The following MLEC variants were observed in gnomAD, a reference collection of about 807,000 sequenced individuals.
MLEC encodes the protein malectin, also known as oligosaccharyltransferase complex subunit (non-catalytic).
In MLEC, 7 loss-of-function variants were observed where a neutral mutation model predicts 28.7. The ratio of observed to expected loss-of-function variants is 0.24; its 90% CI spans 0.14 to 0.46. The LOEUF (loss-of-function observed/expected upper bound fraction) is 0.46. MLEC is among the 20% of genes least tolerant of loss of function. MLEC has a pLI of 0.99. For synonymous variants in MLEC, 142 were observed against 164.4 expected, an observed-to-expected ratio of 0.86 and a Z score of 1.04; for missense variants, 237 against 391.1, an observed-to-expected ratio of 0.61 and a Z score of 3.32.
At chr12:120,693,086 C>G (rs1324447587) in intron 1 of MLEC, among the ~76,000 whole-genome samples, 2 of 152,186 alleles carry the variant, frequency 1.3e-5, no homozygotes, top group African/African-American at 2.4e-5. Flanking sequence ...GGGAGAGGGC[C>G]AGGGCCAAGA....
In MLEC at chr12:120,693,526, A is replaced by G. The variant is rs888393801; in HGVS notation, c.236-565A>G. On this transcript the variant is annotated intron_variant, in intron 1 of 4. Coordinates refer to ENST00000228506, the MANE Select transcript of MLEC (RefSeq NM_014730.4). ...TTGTTTACAGCTTTGGAACTTTTTGAATGAAAATTATAAAAAAAACACACA... is the reference window on the plus strand; with the variant it reads ...TTGTTTACAGCTTTGGAACTTTTTGGATGAAAATTATAAAAAAAACACACA... 3.9e-5 allele frequency among the ~76,000 whole-genome samples: 6 copies of G among 152,294 alleles called. No individual in the cohort carries two copies. The Middle Eastern group carries it at 0.014, about 345-fold the overall frequency.
In MLEC at chr12:120,700,610, G is replaced by A. The variant is rs536087467; in HGVS notation, c.*4065G>A. ...TCTCAGAAGAAATCTGCTTCTCTTC[G>A]ATGGAAAGATATAATTAACGATCAA... On this transcript the variant is annotated 3_prime_UTR_variant, in exon 5 of 5. Coordinates refer to ENST00000228506, the MANE Select transcript of MLEC (RefSeq NM_014730.4). The surrounding 1 kb of genome is among the most constrained non-coding windows in gnomAD (Gnocchi z 4.0). 6.6e-6 allele frequency: 1 copy of A among 152,144 alleles called. No individual in the cohort carries two copies. Among genetic ancestry groups the A allele is most frequent in the Admixed American group, 6.6e-5 (1 of 15,256 alleles). The allele number at this position is 152,144 out of a possible 1,614,324, so 9.4% of individuals were successfully genotyped here.
At position 120,687,217 on chromosome 12, in the gene MLEC, T is replaced by G; in HGVS notation, c.-80T>G. 4 of 1,306,514 alleles carry G rather than the reference T, an allele frequency of 3.1e-6. No individual in the cohort carries two copies. The highest frequency in any genetic ancestry group is 3.9e-6 in the Non-Finnish European group (4 of 1,029,980). The allele number at this position is 1,306,514 out of a possible 1,614,324, so 80.9% of individuals were successfully genotyped here. A position where few individuals can be genotyped will look rare whatever the true frequency, so the allele number is the denominator to read the frequency against. ...GCTCAGGCGGAGCGGCCCGTGGCGC[T>G]GTTTTTCTGAGTCCGGGGTGGCCTG... On this transcript the variant is annotated 5_prime_UTR_variant, in exon 1 of 5. Transcript: ENST00000228506. This position sits in a 1 kb window ranked among gnomAD's most constrained non-coding sequence, Gnocchi z 8.1.
In MLEC at chr12:120,696,176, C is replaced by A; in HGVS notation, c.650-140C>A. The A allele has an allele frequency of 9.8e-7, 1 of 1,021,066 alleles. No homozygotes were observed. Among genetic ancestry groups the A allele is most frequent in the Non-Finnish European group, 1.4e-6 (1 of 690,354 alleles). 63.3% of individuals were successfully genotyped at this position (1,021,066 alleles called of 1,614,324 possible). A position where few individuals can be genotyped will look rare whatever the true frequency, so the allele number is the denominator to read the frequency against. The stretch of plus-strand genomic sequence containing the variant: ...ACTCTGCTGTTCTGTAGACCAGAGG[C>A]TATTTCTGCTACTTCTGGTCTTTTC... On this transcript the variant is annotated intron_variant, in intron 4 of 4. Transcript: ENST00000228506. This position sits in a 1 kb window ranked among gnomAD's most constrained non-coding sequence, Gnocchi z 5.4.
At chr12:120,695,551 A>G (rs1882200240) in intron 4 of MLEC, among the ~76,000 whole-genome samples, 1 of 152,218 alleles carries the variant, frequency 6.6e-6, no homozygotes, top group African/African-American at 2.4e-5. Flanking sequence ...GGCTTTTGGT[A>G]TGCTCTGAAA....
At chr12:120,692,556 A>G (rs1179840609) in intron 1 of MLEC, among the ~76,000 whole-genome samples, 3 of 151,932 alleles carry the variant, frequency 2.0e-5, no homozygotes, top group Non-Finnish European at 1.5e-5. Context: ...GTTAACAGTT[A>G]TGTTTATTTT....
At position 120,697,499 on chromosome 12, in the gene MLEC, G is replaced by C. The variant is rs1383177786; in HGVS notation, c.*954G>C. The C allele has an allele frequency of 2.6e-5, 4 of 152,690 alleles. No individual in the cohort carries two copies. The highest frequency in any genetic ancestry group is 5.9e-5 in the Non-Finnish European group (4 of 68,090). The allele number at this position is 152,690 out of a possible 1,614,324, so 9.5% of individuals were successfully genotyped here. On this transcript the variant is annotated 3_prime_UTR_variant, in exon 5 of 5. Transcript: ENST00000228506. The surrounding 1 kb of genome is among the most constrained non-coding windows in gnomAD (Gnocchi z 4.8). Reference sequence around the variant, plus strand: ...GGATCTCTGAGCCAGCAGCCAGGAGGACCTGACCCAGCAGTTCTTTACTGG... The same window carrying C: ...GGATCTCTGAGCCAGCAGCCAGGAGCACCTGACCCAGCAGTTCTTTACTGG...
In MLEC at chr12:120,696,210, C is replaced by T. The variant is rs1010370652; in HGVS notation, c.650-106C>T. The T allele has an allele frequency of 5.1e-5, 73 of 1,428,068 alleles. No individual in the cohort carries two copies. The African/African-American group carries it at 5.8e-4, about 11-fold the overall frequency. 88.5% of individuals were successfully genotyped at this position (1,428,068 alleles called of 1,614,324 possible). A position where few individuals can be genotyped will look rare whatever the true frequency, so the allele number is the denominator to read the frequency against. On this transcript the variant is annotated intron_variant, in intron 4 of 4. Transcript: ENST00000228506. The surrounding 1 kb of genome is among the most constrained non-coding windows in gnomAD (Gnocchi z 5.4). ...CTACTTCTGGTCTTTTCTCTGGACC[C>T]GGGTTCAATCACAGCAATCTCTTTA... is the stretch of plus-strand genomic sequence containing the variant.
chr12:120,692,225 G>A (rs1017087975), intron 1 of MLEC, among the ~76,000 whole-genome samples: 8 of 152,142 alleles, frequency 5.3e-5, no homozygotes, highest in Admixed American at 2.0e-4. Context: ...CTGTGTATCC[G>A]TAAATCAAAT....
At chr12:120,689,578 A>C (rs1036950473) in intron 1 of MLEC, among the ~76,000 whole-genome samples, 1 of 152,184 alleles carries the variant, frequency 6.6e-6, no homozygotes, top group African/African-American at 2.4e-5. Flanking sequence ...TGCTGGCTTT[A>C]GGTCGGGCTG....
rs914044297 is a variant in MLEC, at chr12:120,687,235, G to T, written c.-62G>T. The T allele has an allele frequency of 3.7e-6, 5 of 1,340,992 alleles. No homozygotes were observed. Among genetic ancestry groups the T allele is most frequent in the Non-Finnish European group, 4.8e-6 (5 of 1,052,528 alleles). The allele number at this position is 1,340,992 out of a possible 1,614,324, so 83.1% of individuals were successfully genotyped here. A position where few individuals can be genotyped will look rare whatever the true frequency, so the allele number is the denominator to read the frequency against. On this transcript the variant is annotated 5_prime_UTR_variant, in exon 1 of 5. Transcript: ENST00000228506. This position sits in a 1 kb window ranked among gnomAD's most constrained non-coding sequence, Gnocchi z 8.1. ...GTGGCGCTGTTTTTCTGAGTCCGGG[G>T]TGGCCTGGCAGCCGGCCGAGGACGA...
chr12:120,692,725 C>G (rs751641460), intron 1 of MLEC, among the ~76,000 whole-genome samples: 1 of 149,740 alleles, frequency 6.7e-6, no homozygotes, highest in African/African-American at 2.5e-5. Flanking sequence ...AGGGTCACCA[C>G]GTGAGATTGG....
chr12:120,694,295 G>T lies in MLEC; in HGVS notation c.414+26G>T. On this transcript the variant is annotated intron_variant, in intron 2 of 4. Coordinates refer to ENST00000228506, the MANE Select transcript of MLEC (RefSeq NM_014730.4). This position sits in a 1 kb window ranked among gnomAD's most constrained non-coding sequence, Gnocchi z 4.5. ...GTGAGGCCTAGTCAGGCTGCTGCTT[G>T]ACCAGTAGGACATTGCTGCTCTTGG... The T allele has an allele frequency of 6.2e-7, 1 of 1,608,636 alleles. No homozygotes were observed. The highest frequency in any genetic ancestry group is 1.1e-5 in the South Asian group (1 of 90,404).
In MLEC at chr12:120,694,381, A is replaced by ACT; in HGVS notation, c.414+112_414+113insCT. 1 of 1,117,372 alleles carries ACT rather than the reference A, an allele frequency of 8.9e-7. No homozygotes were observed. The highest frequency in any genetic ancestry group is 1.3e-6 in the Non-Finnish European group (1 of 784,898). The allele number at this position is 1,117,372 out of a possible 1,614,324, so 69.2% of individuals were successfully genotyped here. ...TCTCTCCAGAAAGGCAGAACAGATG[A>ACT]GCTCTAGAGAAGCATGTTCCATAGT... On this transcript the variant is annotated intron_variant, in intron 2 of 4. Coordinates refer to ENST00000228506, the MANE Select transcript of MLEC (RefSeq NM_014730.4). The surrounding 1 kb of genome is among the most constrained non-coding windows in gnomAD (Gnocchi z 4.5).
Position 120,694,396 on chromosome 12 carries a change from T to TGA in MLEC, c.414+128_414+129insAG. 2 of 962,012 alleles carry TGA rather than the reference T, an allele frequency of 2.1e-6. No individual in the cohort carries two copies. The highest frequency in any genetic ancestry group is 3.1e-6 in the Non-Finnish European group (2 of 654,370). 59.6% of individuals were successfully genotyped at this position (962,012 alleles called of 1,614,324 possible). ...AGAACAGATGAGCTCTAGAGAAGCA[T>TGA]GTTCCATAGTGCACAAGGCTGCACT... On this transcript the variant is annotated intron_variant, in intron 2 of 4. Transcript: ENST00000228506. The surrounding 1 kb of genome is among the most constrained non-coding windows in gnomAD (Gnocchi z 4.5).
At chr12:120,693,981 T>G (rs1266323580) in intron 1 of MLEC, 110 bp from the exon 2 acceptor site, 14 of 1,018,976 alleles carry the variant, frequency 1.4e-5, no homozygotes, top group Non-Finnish European at 2.0e-5. Context: ...GCCCCTTTTA[T>G]GGAGAGGGTT....
At position 120,687,270 on chromosome 12, in the gene MLEC, G is replaced by T; in HGVS notation, c.-27G>T. On this transcript the variant is annotated 5_prime_UTR_variant, in exon 1 of 5. Transcript: ENST00000228506. This position sits in a 1 kb window ranked among gnomAD's most constrained non-coding sequence, Gnocchi z 8.1. The stretch of plus-strand genomic sequence containing the variant: ...AGCCGGCCGAGGACGAGGGTCGGCG[G>T]GGGCTGCCCCCGTGGTGGTGGCCGC... 7.3e-7 allele frequency: 1 copy of T among 1,365,708 alleles called. No homozygotes were observed. Among genetic ancestry groups the T allele is most frequent in the Non-Finnish European group, 9.4e-7 (1 of 1,065,656 alleles). 84.6% of individuals were successfully genotyped at this position (1,365,708 alleles called of 1,614,324 possible).
chr12:120,689,614 G>A (rs1028886899), intron 1 of MLEC, among the ~76,000 whole-genome samples: 4 of 152,230 alleles, frequency 2.6e-5, no homozygotes, highest in Admixed American at 2.6e-4. Flanking sequence ...TGCACTCTCA[G>A]GAGGCAGCTC....
In MLEC at chr12:120,696,597, C is replaced by T; in HGVS notation, c.*52C>T. 4.4e-6 allele frequency: 7 copies of T among 1,587,626 alleles called. No individual in the cohort carries two copies. Among genetic ancestry groups the T allele is most frequent in the Non-Finnish European group, 5.1e-6 (6 of 1,168,240 alleles). On this transcript the variant is annotated 3_prime_UTR_variant, in exon 5 of 5. Transcript: ENST00000228506. This position sits in a 1 kb window ranked among gnomAD's most constrained non-coding sequence, Gnocchi z 5.4. The stretch of plus-strand genomic sequence containing the variant: ...GGAGGGGTGTGGGAAAGAAACCAGC[C>T]ATATTGGTTTTGGTTTCTGTATTTT...
Sources: allele counts gnomAD v4.1 joint callset (sites outside exome capture counted in the v4.1 genomes callset), GRCh38; gene constraint gnomAD v4.1.1; non-coding constraint Gnocchi (gnomAD v3.1); transcripts MANE v1.5; gene names NCBI Gene and HGNC (gene_info 2026-07-23, HGNC 2026-07-21).